PLA2R1: variants seen among roughly 807,000 people sequenced by gnomAD.
PLA2R1 encodes phospholipase A2 receptor 1.
PLA2R1 carries 158 observed loss-of-function variants against 195.9 expected under a neutral mutation model. The observed-to-expected ratio is 0.81, with a 90% CI of 0.71 to 0.92. PLA2R1 has a LOEUF of 0.92. Ranked by LOEUF, PLA2R1 falls within the 40% of genes least tolerant of loss-of-function variation. The pLI is 0.00. For missense variants in PLA2R1, 1,626 were observed against 1,764.6 expected (o/e 0.92, Z 1.41); for synonymous variants, 586 against 598.2 (o/e 0.98, Z 0.30).
the PLA2R1 span, among the ~76,000 whole-genome samples, chr2:159,924,170 T>C: frequency 6.6e-6 from 1 of 152,208 alleles, no homozygotes; most frequent in African/African-American, 2.4e-5. Context: ...CCCATCTTTA[T>C]ATGACCTCCT....
intron 25 of PLA2R1, among the ~76,000 whole-genome samples, chr2:159,948,440 A>T (rs1298474223): frequency 6.6e-6 from 1 of 151,206 alleles, no homozygotes; most frequent in Non-Finnish European, 1.5e-5. Flanking sequence ...TCACTGTGTT[A>T]ACCAAGCTGG....
intron 1 of PLA2R1, among the ~76,000 whole-genome samples, chr2:160,056,047 C>G (rs1375380690): frequency 6.6e-6 from 1 of 152,090 alleles, no homozygotes; most frequent in East Asian, 1.9e-4. Context: ...AGACTCCCCG[C>G]TATTCTCCAC....
At chr2:159,944,679 A>G (rs140868184) in intron 28 of PLA2R1, among the ~76,000 whole-genome samples, 212 of 152,330 alleles carry the variant, frequency 1.4e-3, no homozygotes, top group African/African-American at 4.8e-3. Flanking sequence ...GTGACACAAG[A>G]AAAATCATAG....
intron 6 of PLA2R1, among the ~76,000 whole-genome samples, chr2:160,023,863 G>A (rs1281334122): frequency 2.6e-5 from 4 of 152,120 alleles, no homozygotes; most frequent in East Asian, 1.9e-4. Context: ...GAAACAACAC[G>A]GAGCACAGAA....
At chr2:159,960,019 C>T (rs1688334608) in intron 20 of PLA2R1, among the ~76,000 whole-genome samples, 1 of 152,146 alleles carries the variant, frequency 6.6e-6, no homozygotes, top group Non-Finnish European at 1.5e-5. Context: ...TGGTCACGTC[C>T]TTCTTTAGTT....
At position 160,022,824 on chromosome 2, in the gene PLA2R1, C is replaced by T; in HGVS notation, c.1135G>A (p.Glu379Lys). The T allele has an allele frequency of 1.2e-6, 2 of 1,612,250 alleles. No individual in the cohort carries two copies. Among genetic ancestry groups the T allele is most frequent in the Middle Eastern group, 1.7e-4 (1 of 6,056 alleles). The change falls in exon 7 of 30, where the codon GAG (glutamate) becomes AAG (lysine). Residue 379 changes from glutamate to lysine, a missense_variant. By Grantham distance (56) the Glu-to-Lys change is moderately conservative. Transcript: ENST00000283243. ...CGATTGTAGGGATTCCAGCCAGGCT[C>T]ACAGTGGGTAGCATAATATTTCCAC... ...DAWKYYATHC[E>K]PGWNPYNRNC...
chr2:159,951,371 T>C lies in PLA2R1; in HGVS notation c.3509A>G (p.Tyr1170Cys). 5 of 1,611,598 alleles carry C rather than the reference T, an allele frequency of 3.1e-6. No homozygotes were observed. The highest frequency in any genetic ancestry group is 4.2e-6 in the Non-Finnish European group (5 of 1,177,698). Residue 1170 changes from tyrosine to cysteine, a missense_variant, in exon 24 of 30, where the codon TAT becomes TGT. Physicochemically the swap from Tyr to Cys is radical, Grantham distance 194 (BLOSUM62 -2). Coordinates refer to ENST00000283243, the MANE Select transcript of PLA2R1 (RefSeq NM_007366.5). ...FLTVVLNRLG[Y>C]AHWIGLFTTD... ...GGTGAACAGTCCAATCCAGTGGGCA[T>C]ATCCTAGCCGGTTGAGGACAACAGT...
At chr2:160,022,042 A>T (rs1693163483) in intron 7 of PLA2R1, among the ~76,000 whole-genome samples, 2 of 152,210 alleles carry the variant, frequency 1.3e-5, no homozygotes, top group Admixed American at 6.5e-5. Context: ...ACAATTGAAA[A>T]GGTCATCAAA....
At chr2:160,034,061 G>A (rs1205191031) in intron 3 of PLA2R1, among the ~76,000 whole-genome samples, 2 of 152,112 alleles carry the variant, frequency 1.3e-5, no homozygotes, top group African/African-American at 4.8e-5. Flanking sequence ...GCGTTCTCTG[G>A]GAAATTCACA....
At chr2:159,956,008 G>C (rs975932843) in intron 21 of PLA2R1, among the ~76,000 whole-genome samples, 180 bp from the exon 22 acceptor site, 20 of 151,988 alleles carry the variant, frequency 1.3e-4, no homozygotes, top group African/African-American at 3.9e-4. Flanking sequence ...TTTTGTTTTA[G>C]TTTAAATTGA....
In PLA2R1 at chr2:159,976,194, T is replaced by C; in HGVS notation, c.2469A>G (p.Glu823=). Residue 823 remains glutamate (E), a synonymous_variant, in exon 17 of 30, where the codon GAA becomes GAG. Transcript: ENST00000283243. ...CTGAGGCAAAGGTATGAAAAAGGTA[T>C]TCTGCATCCTGATAAAAGAGCCAGG... ...DVPWLFYQDA[E]YLFHTFASEW... The C allele has an allele frequency of 6.2e-7, 1 of 1,610,504 alleles. No homozygotes were observed. The highest frequency in any genetic ancestry group is 1.1e-5 in the South Asian group (1 of 90,584).
intron 7 of PLA2R1, among the ~76,000 whole-genome samples, chr2:160,022,339 T>C (rs2666994): frequency 1 from 152,008 of 152,010 alleles, 76,003 homozygotes; most frequent in Non-Finnish European, 1. Flanking sequence ...ATGTTAACAA[T>C]ACACTACTGC....
In PLA2R1 at chr2:159,975,758, T is replaced by C. The variant is rs911318408; in HGVS notation, c.2595+310A>G. On this transcript the variant is annotated intron_variant, in intron 17 of 29. Coordinates refer to ENST00000283243, the MANE Select transcript of PLA2R1 (RefSeq NM_007366.5). ...TTAATCACTGGTAAAACCCCAGTTC[T>C]ACCAGTGATTAAATGATCGAATGAA... Among the ~76,000 whole-genome samples the C allele has an allele frequency of 2.6e-5, 4 of 152,148 alleles. No individual in the cohort carries two copies. In the South Asian group the frequency reaches 8.3e-4, roughly 32 times the overall value.
rs140848086 is a variant in PLA2R1 at position 160,045,005 on chromosome 2, C to G, written c.262G>C (p.Gly88Arg). The G allele has an allele frequency of 1.2e-6, 2 of 1,614,102 alleles. No homozygotes were observed. Among genetic ancestry groups the G allele is most frequent in the Non-Finnish European group, 1.7e-6 (2 of 1,179,956 alleles). ...GCGGAGAAATTCAGGCCCAGGCAAC[C>G]ACTGCCTCCTATGTTAAAGAGGCCA... The part of the protein sequence containing the change: ...NHGLFNIGGS[G>R]CLGLNFSAPE... Residue 88 changes from glycine to arginine, a missense_variant, in exon 2 of 30, where the codon GGT becomes CGT. Physicochemically the swap from Gly to Arg is moderately radical, Grantham distance 125. Coordinates refer to ENST00000283243, the MANE Select transcript of PLA2R1 (RefSeq NM_007366.5).
intron 3 of PLA2R1, among the ~76,000 whole-genome samples, chr2:160,037,178 T>C (rs1367124387): frequency 2.6e-5 from 4 of 152,236 alleles, no homozygotes; most frequent in African/African-American, 9.6e-5. Flanking sequence ...GCCTTCTACC[T>C]GGTCTCCAGG....
At chr2:159,986,623 G>T (rs1222811379) in intron 12 of PLA2R1, among the ~76,000 whole-genome samples, 2 of 148,402 alleles carry the variant, frequency 1.3e-5, no homozygotes, top group African/African-American at 5.0e-5. Context: ...GACTCGCTGT[G>T]TCACCCAGGA....
chr2:159,946,972 T>TA lies in PLA2R1; in HGVS notation c.3851-56dup, dbSNP rs1004172365. ...TTTGTGTTTACACATAAATATACTT[T>TA]AAAAAATGTTTCCTATACTATTAAT... On this transcript the variant is annotated intron_variant, in intron 26 of 29. Transcript: ENST00000283243. 3 of 1,111,210 alleles carry TA rather than the reference T, an allele frequency of 2.7e-6. No homozygotes were observed. In the Admixed American group the frequency reaches 7.0e-5, roughly 26 times the overall value. The allele number at this position is 1,111,210 out of a possible 1,614,324, so 68.8% of individuals were successfully genotyped here.
rs779727878 is a variant in PLA2R1 at position 160,022,828 on chromosome 2, G to C, written c.1131C>G (p.His377Gln). Residue 377 changes from histidine to glutamine, a missense_variant, in exon 7 of 30, where the codon CAC (histidine) becomes CAG (glutamine). Transcript: ENST00000283243. ...EKDAWKYYAT[H>Q]CEPGWNPYNR... ...TGTAGGGATTCCAGCCAGGCTCACAGTGGGTAGCATAATATTTCCACGCAT... is the reference window on the plus strand; with the variant it reads ...TGTAGGGATTCCAGCCAGGCTCACACTGGGTAGCATAATATTTCCACGCAT... 5 of 1,611,318 alleles carry C rather than the reference G, an allele frequency of 3.1e-6. No homozygotes were observed. The African/African-American group carries it at 6.7e-5, about 22-fold the overall frequency.
chr2:160,058,372 T>C (rs1695713570), intron 1 of PLA2R1, among the ~76,000 whole-genome samples: 1 of 152,096 alleles, frequency 6.6e-6, no homozygotes, highest in South Asian at 2.1e-4. Flanking sequence ...CTCACCTCCT[T>C]TGATCACTGG....
Sources: allele counts gnomAD v4.1 joint callset (sites outside exome capture counted in the v4.1 genomes callset), GRCh38; gene constraint gnomAD v4.1.1; transcripts MANE v1.5; gene names NCBI Gene and HGNC (gene_info 2026-07-23, HGNC 2026-07-21).